Variants in ANKS1B observed in about 807,000 individuals in gnomAD.
ANKS1B encodes the protein ankyrin repeat and sterile alpha motif domain containing 1B.
Under a neutral mutation model 148.3 loss-of-function variants are expected in ANKS1B, and 36 were observed. The ratio of observed to expected loss-of-function variants is 0.24; its 90% CI spans 0.19 to 0.32. The LOEUF (loss-of-function observed/expected upper bound fraction) is 0.32, where lower values mean the gene tolerates loss of function less well. Ranked by LOEUF, ANKS1B falls within the 10% of genes least tolerant of loss-of-function variation. The pLI is 1.00. For missense variants in ANKS1B, 1,157 were observed against 1,542.6 expected (o/e 0.75, Z 4.19); for synonymous variants, 542 against 560.8 (o/e 0.97, Z 0.47).
chr12:99,536,240 G>A (rs544252670), intron 9 of ANKS1B, among the ~76,000 whole-genome samples: 5 of 152,192 alleles, frequency 3.3e-5, no homozygotes, highest in Non-Finnish European at 7.3e-5. Flanking sequence ...TGATGATGAT[G>A]TGTCAATGTA....
chr12:99,712,166 G>C (rs561597852), intron 8 of ANKS1B, among the ~76,000 whole-genome samples: 1 of 152,284 alleles, frequency 6.6e-6, no homozygotes, highest in East Asian at 1.9e-4. Flanking sequence ...GACACACAGA[G>C]GGGAACAACA....
intron 14 of ANKS1B, among the ~76,000 whole-genome samples, chr12:99,207,830 C>T (rs2082869552): frequency 6.6e-6 from 1 of 151,756 alleles, no homozygotes; most frequent in Non-Finnish European, 1.5e-5. Flanking sequence ...CTAGTTTTTC[C>T]AAAGTAGAAA....
intron 8 of ANKS1B, among the ~76,000 whole-genome samples, chr12:99,656,726 C>T (rs549534372): frequency 6.6e-6 from 1 of 151,582 alleles, no homozygotes; most frequent in Non-Finnish European, 1.5e-5. Context: ...ACTCTAAGAG[C>T]CTGCTGAATA....
chr12:99,771,509 TCTAA>T (rs879873947), intron 8 of ANKS1B, among the ~76,000 whole-genome samples: 9 of 152,064 alleles, frequency 5.9e-5, no homozygotes, highest in Non-Finnish European at 1.3e-4. Flanking sequence ...TGTTTTAAGT[TCTAA>T]CTAACTTTCA....
intron 17 of ANKS1B, among the ~76,000 whole-genome samples, chr12:98,890,951 T>C (rs922355140): frequency 3.9e-5 from 6 of 152,190 alleles, no homozygotes; most frequent in East Asian, 1.9e-4. Flanking sequence ...ACAGAGGTGA[T>C]AGAATATGGT....
At chr12:99,551,494 G>T (rs927907106) in intron 9 of ANKS1B, among the ~76,000 whole-genome samples, 13 of 134,944 alleles carry the variant, frequency 9.6e-5, no homozygotes, top group Non-Finnish European at 1.9e-4. Context: ...AGATTCTTAG[G>T]ATATGTTTAC....
At chr12:99,941,623 C>G (rs549944730) in intron 1 of ANKS1B, among the ~76,000 whole-genome samples, 2 of 152,238 alleles carry the variant, frequency 1.3e-5, no homozygotes, top group East Asian at 3.9e-4. Context: ...TAGTCCTTCA[C>G]CTCAGAGTTG....
chr12:99,833,714 A>T (rs1332622695), intron 1 of ANKS1B, among the ~76,000 whole-genome samples: 1 of 152,184 alleles, frequency 6.6e-6, no homozygotes, highest in Non-Finnish European at 1.5e-5. Flanking sequence ...ACTGTCATAC[A>T]TTTTTTAAAT....
chr12:99,369,634 C>T (rs1334156923), intron 12 of ANKS1B, among the ~76,000 whole-genome samples: 2 of 147,746 alleles, frequency 1.4e-5, no homozygotes, highest in Admixed American at 1.3e-4. Context: ...ATGCTCTTTT[C>T]TATATGTATA....
At chr12:99,457,953 C>G (rs1412684450) in intron 10 of ANKS1B, among the ~76,000 whole-genome samples, 1 of 151,962 alleles carries the variant, frequency 6.6e-6, no homozygotes, top group Non-Finnish European at 1.5e-5. Flanking sequence ...GAATATTCTA[C>G]CCAACAACTG....
At chr12:99,743,172 G>T (rs1399992107) in intron 8 of ANKS1B, among the ~76,000 whole-genome samples, 4 of 152,044 alleles carry the variant, frequency 2.6e-5, no homozygotes, top group Admixed American at 6.6e-5. Flanking sequence ...TTGTATCAGG[G>T]TCTCTCAACA....
chr12:99,661,087 G>A lies in ANKS1B; in HGVS notation c.1129-5877C>T, dbSNP rs141371952. Reference sequence around the variant, plus strand: ...AACAAAGGAATTCTTAACAGAACCCGTTTAGTATTAAACAGGTTTTACTGG... The same window carrying A: ...AACAAAGGAATTCTTAACAGAACCCATTTAGTATTAAACAGGTTTTACTGG... On this transcript the variant is annotated intron_variant, in intron 8 of 26. Coordinates refer to ENST00000683438, the MANE Select transcript of ANKS1B (RefSeq NM_001352186.2). Among the ~76,000 whole-genome samples, 206 of 152,158 alleles carry A rather than the reference G, an allele frequency of 1.4e-3. 2 individuals are homozygous for A. The highest frequency in any genetic ancestry group is 0.012 in the Admixed American group (188 of 15,276).
intron 9 of ANKS1B, among the ~76,000 whole-genome samples, chr12:99,517,416 T>A (rs1231409448): frequency 6.6e-6 from 1 of 151,846 alleles, no homozygotes; most frequent in Non-Finnish European, 1.5e-5. Flanking sequence ...AGTCTTTAGG[T>A]TTTTCCAAAT....
At chr12:99,885,363 C>T (rs747507278) in intron 1 of ANKS1B, among the ~76,000 whole-genome samples, 5 of 150,130 alleles carry the variant, frequency 3.3e-5, no homozygotes, top group East Asian at 2.0e-4. Flanking sequence ...TGCAGTGGCC[C>T]GATCTTGGCT....
Position 98,813,273 on chromosome 12 carries a change from G to C in ANKS1B, c.3067-5355C>G, listed in dbSNP as rs143050576. On this transcript the variant is annotated intron_variant, in intron 19 of 26. Coordinates refer to ENST00000683438, the MANE Select transcript of ANKS1B (RefSeq NM_001352186.2). Reference sequence around the variant, plus strand: ...GTCACCCAGGCTGGAGTGCAGTGGTGCAACCATGGCTCACTGCAGACTGGC... The same window carrying C: ...GTCACCCAGGCTGGAGTGCAGTGGTCCAACCATGGCTCACTGCAGACTGGC... Among the ~76,000 whole-genome samples the C allele has an allele frequency of 3.5e-3, 519 of 147,778 alleles. 1 individual carries two copies. The highest frequency in any genetic ancestry group is 6.4e-3 in the Non-Finnish European group (427 of 67,002).
chr12:99,706,592 C>T (rs1303031438), intron 8 of ANKS1B: 1 of 152,012 alleles, frequency 6.6e-6, no homozygotes, highest in Non-Finnish European at 1.5e-5. Context: ...TGTGTAATCC[C>T]CTCCCCTTGA....
intron 9 of ANKS1B, among the ~76,000 whole-genome samples, chr12:99,620,633 C>T (rs2098036078): frequency 6.6e-6 from 1 of 152,166 alleles, no homozygotes; most frequent in East Asian, 1.9e-4. Flanking sequence ...CACCAATTGA[C>T]TCGACCAAGC....
chr12:98,879,008 G>C (rs2099699443), intron 17 of ANKS1B, among the ~76,000 whole-genome samples: 1 of 152,162 alleles, frequency 6.6e-6, no homozygotes, highest in South Asian at 2.1e-4. Context: ...TGTGTGATTG[G>C]CGCCTTCTGG....
intron 25 of ANKS1B, among the ~76,000 whole-genome samples, chr12:98,767,717 T>C (rs1275695352): frequency 3.9e-5 from 6 of 152,248 alleles, no homozygotes; most frequent in Non-Finnish European, 8.8e-5. Flanking sequence ...GATACTCCCA[T>C]GGAGAATGCA....
Sources: gnomAD v4.1 joint callset for allele counts (sites outside exome capture counted in the v4.1 genomes callset) on GRCh38, gnomAD v4.1.1 for gene constraint, MANE v1.5 for transcripts, NCBI Gene and HGNC (gene_info 2026-07-23, HGNC 2026-07-21) for gene names.